The following MAOB variants were observed in gnomAD, a reference collection of about 807,000 sequenced individuals.
MAOB encodes monoamine oxidase B.
A neutral mutation model predicts 41.9 loss-of-function variants in MAOB; 15 were observed. That is an observed-to-expected ratio of 0.36 (90% CI 0.24 to 0.55). The LOEUF (loss-of-function observed/expected upper bound fraction) is 0.55. Among genes scored for constraint, MAOB ranks in the 20% least tolerant of loss-of-function variants. MAOB has a pLI of 0.86. For missense variants in MAOB, 345 were observed against 398.7 expected (o/e 0.87, Z 1.15); for synonymous variants, 167 against 144.2 (o/e 1.16, Z -1.13).
chrX:43,797,849 A>C (rs1288954643), intron 5 of MAOB, among the ~76,000 whole-genome samples: 1 of 111,873 alleles, frequency 8.9e-6, no homozygotes, highest in Non-Finnish European at 1.9e-5. Context: ...GCTCTCTCTG[A>C]AGTATAAATC....
intron 2 of MAOB, among the ~76,000 whole-genome samples, chrX:43,839,594 T>C (rs183038318): frequency 3.8e-3 from 420 of 111,970 alleles, no homozygotes; most frequent in Non-Finnish European, 6.3e-3. Context: ...AAAAACCAGG[T>C]TCCTACCAGT....
intron 7 of MAOB, among the ~76,000 whole-genome samples, chrX:43,794,998 C>T (rs765289570): frequency 9.1e-6 from 1 of 110,280 alleles, no homozygotes; most frequent in South Asian, 4.0e-4. Flanking sequence ...GGTTTTTCCC[C>T]ACATATTAAG....
intron 3 of MAOB, among the ~76,000 whole-genome samples, chrX:43,804,591 G>A (rs1192315599): frequency 9.0e-6 from 1 of 111,462 alleles, no homozygotes; most frequent in East Asian, 2.8e-4. Flanking sequence ...AAAGAGAGAA[G>A]GATTCAGATT....
chrX:43,836,603 T>A lies in MAOB; in HGVS notation c.279+2265A>T, dbSNP rs748486993. Among the ~76,000 whole-genome samples, 14 of 112,301 alleles carry A rather than the reference T, an allele frequency of 1.2e-4. No individual in the cohort carries two copies. The South Asian group carries it at 5.2e-3, about 42-fold the overall frequency. On this transcript the variant is annotated intron_variant, in intron 3 of 14. Coordinates refer to ENST00000378069, the MANE Select transcript of MAOB (RefSeq NM_000898.5). ...CTTAAAATGCACTGTTATTTCCCATTTCCTCCAGCAGAGGTCAGAAAATAG... is the reference window on the plus strand; with the variant it reads ...CTTAAAATGCACTGTTATTTCCCATATCCTCCAGCAGAGGTCAGAAAATAG...
chrX:43,782,841 G>A (rs2034351214), intron 8 of MAOB, among the ~76,000 whole-genome samples: 1 of 111,648 alleles, frequency 9.0e-6, no homozygotes, highest in Admixed American at 9.5e-5. Context: ...TTCAACATAT[G>A]CAAATCAATA....
intron 7 of MAOB, 59 bp downstream of exon 7, chrX:43,795,680 G>A: frequency 2.9e-6 from 3 of 1,023,254 alleles, no homozygotes; most frequent in Non-Finnish European, 4.0e-6. Flanking sequence ...AATTTTTAAA[G>A]TTGTATGCCA....
chrX:43,855,560 T>C (rs2035282418), intron 1 of MAOB, among the ~76,000 whole-genome samples: 1 of 111,380 alleles, frequency 9.0e-6, no homozygotes, highest in African/African-American at 3.3e-5. Context: ...GTGGCACCCT[T>C]CCTGCTAAAA....
chrX:43,806,444 T>C (rs778311676), intron 3 of MAOB, among the ~76,000 whole-genome samples: 4 of 111,933 alleles, frequency 3.6e-5, no homozygotes, highest in Non-Finnish European at 3.8e-5. Flanking sequence ...CTATGAATTT[T>C]GGGGAAGACT....
intron 1 of MAOB, among the ~76,000 whole-genome samples, chrX:43,862,001 C>T (rs181949462): frequency 4.3e-4 from 48 of 110,598 alleles, no homozygotes; most frequent in Non-Finnish European, 8.1e-4. Context: ...GTAACAGGAA[C>T]GGCCAATTCC....
intron 1 of MAOB, among the ~76,000 whole-genome samples, chrX:43,857,126 G>T (rs759088145): frequency 0.057 from 831 of 14,502 alleles, 10 homozygotes; most frequent in East Asian, 0.092. Flanking sequence ...TAGAGAGAGA[G>T]AGAGAGAGAG....
chrX:43,840,610 G>A (rs1382349831), intron 2 of MAOB, among the ~76,000 whole-genome samples: 2 of 111,112 alleles, frequency 1.8e-5, no homozygotes, highest in Non-Finnish European at 3.8e-5. Context: ...CACTGGGACT[G>A]GTTAGACTGT....
At chrX:43,803,629 G>A (rs1408736264) in intron 3 of MAOB, among the ~76,000 whole-genome samples, 1 of 111,601 alleles carries the variant, frequency 9.0e-6, no homozygotes, top group African/African-American at 3.3e-5. Context: ...CACCAAGCAC[G>A]GTAAAGAGGT....
At chrX:43,840,656 G>A (rs1408522162) in intron 2 of MAOB, among the ~76,000 whole-genome samples, 1 of 110,741 alleles carries the variant, frequency 9.0e-6, no homozygotes, top group Non-Finnish European at 1.9e-5. Flanking sequence ...TAAGCAGGGT[G>A]GGGTGTCGCC....
intron 3 of MAOB, among the ~76,000 whole-genome samples, chrX:43,815,622 A>G (rs181719141): frequency 8.9e-6 from 1 of 112,190 alleles, no homozygotes; most frequent in Admixed American, 9.4e-5. Context: ...ATACATATAG[A>G]TAATATAACA....
intron 8 of MAOB, among the ~76,000 whole-genome samples, chrX:43,789,207 A>C (rs756901673): frequency 4.4e-5 from 5 of 112,437 alleles, no homozygotes; most frequent in Admixed American, 9.4e-5. Flanking sequence ...GATGCTTCAA[A>C]AGTTTCAGAA....
intron 8 of MAOB, among the ~76,000 whole-genome samples, chrX:43,785,057 A>C (rs1286481390): frequency 1.8e-5 from 2 of 112,754 alleles, no homozygotes; most frequent in Non-Finnish European, 3.7e-5. Context: ...CTGAGGCAGG[A>C]GAATCACTTG....
intron 1 of MAOB, among the ~76,000 whole-genome samples, chrX:43,881,482 A>G (rs780163369): frequency 8.9e-6 from 1 of 112,350 alleles, no homozygotes; most frequent in African/African-American, 3.2e-5. Flanking sequence ...GATCCTCCAC[A>G]GAGGGTAAGT....
intron 2 of MAOB, among the ~76,000 whole-genome samples, chrX:43,840,596 A>G (rs2035123443): frequency 9.0e-6 from 1 of 111,338 alleles, no homozygotes; most frequent in African/African-American, 3.3e-5. Flanking sequence ...TACCCAGTTC[A>G]TCTCACTGGG....
At chrX:43,795,448 T>C (rs2034515776) in intron 7 of MAOB, among the ~76,000 whole-genome samples, 1 of 111,157 alleles carries the variant, frequency 9.0e-6, no homozygotes, top group African/African-American at 3.3e-5. Flanking sequence ...TATGGAGGCT[T>C]CCTTATGTAG....
Sources: gnomAD v4.1 joint callset for allele counts (sites outside exome capture counted in the v4.1 genomes callset) on GRCh38, gnomAD v4.1.1 for gene constraint, MANE v1.5 for transcripts, NCBI Gene and HGNC (gene_info 2026-07-23, HGNC 2026-07-21) for gene names.